POFUT3: variants seen among roughly 807,000 people sequenced by gnomAD.
POFUT3 encodes GDP-fucose protein O-fucosyltransferase 3.
At chr8:33,447,423 T>G in the POFUT3 span, among the ~76,000 whole-genome samples, 1 of 150,970 alleles carries the variant, frequency 6.6e-6, no homozygotes, top group Admixed American at 6.6e-5. Flanking sequence ...CACTCCAGCC[T>G]GGGCGACAGG....
At chr8:33,385,376 T>G in the POFUT3 span, among the ~76,000 whole-genome samples, 1 of 152,222 alleles carries the variant, frequency 6.6e-6, no homozygotes, top group African/African-American at 2.4e-5. Context: ...ATTATTGTAC[T>G]GGTCGTGGTA....
chr8:33,467,106 A>G, the POFUT3 span, among the ~76,000 whole-genome samples: 1 of 141,338 alleles, frequency 7.1e-6, no homozygotes, highest in South Asian at 2.1e-4. Context: ...ACTCTGTCTC[A>G]AAAAAAACAC....
chr8:33,376,706 G>A, the POFUT3 span, among the ~76,000 whole-genome samples: 17 of 152,318 alleles, frequency 1.1e-4, 1 homozygote, highest in East Asian at 2.3e-3. Flanking sequence ...CAAAATCTGG[G>A]AAATCTATGA....
At chr8:33,320,478 A>G in the POFUT3 span, among the ~76,000 whole-genome samples, 1 of 152,088 alleles carries the variant, frequency 6.6e-6, no homozygotes, top group African/African-American at 2.4e-5. Context: ...CACTATTTGC[A>G]ATGGTTTCTC....
At chr8:33,341,671 G>GA in the POFUT3 span, among the ~76,000 whole-genome samples, 34 of 151,626 alleles carry the variant, frequency 2.2e-4, no homozygotes, top group African/African-American at 7.5e-4. Flanking sequence ...AGAAGCTAGG[G>GA]AAAAAAAAGA....
At chr8:33,380,015 GTA>G in the POFUT3 span, among the ~76,000 whole-genome samples, 9,935 of 53,258 alleles carry the variant, frequency 0.19, 1,820 homozygotes, top group East Asian at 0.51. Flanking sequence ...TATATATATA[GTA>G]TATATATATA....
the POFUT3 span, among the ~76,000 whole-genome samples, chr8:33,400,130 T>C: frequency 7.0e-5 from 8 of 114,916 alleles, no homozygotes; most frequent in East Asian, 2.1e-3. Flanking sequence ...TTAAGTTCAT[T>C]AAAAAAAAAA....
At chr8:33,325,439 A>C in the POFUT3 span, among the ~76,000 whole-genome samples, 1 of 152,328 alleles carries the variant, frequency 6.6e-6, no homozygotes, top group East Asian at 1.9e-4. Context: ...CTGTTTGACT[A>C]TGAGTGCTTG....
At chr8:33,346,589 C>T in the POFUT3 span, among the ~76,000 whole-genome samples, 1 of 152,128 alleles carries the variant, frequency 6.6e-6, no homozygotes, top group Non-Finnish European at 1.5e-5. Flanking sequence ...TTTCTGCATA[C>T]ATTTGGATGT....
At chr8:33,401,272 C>T in the POFUT3 span, among the ~76,000 whole-genome samples, 3 of 152,124 alleles carry the variant, frequency 2.0e-5, no homozygotes, top group Non-Finnish European at 4.4e-5. Context: ...AGGCATGAGC[C>T]ACTGTGCCTG....
the POFUT3 span, among the ~76,000 whole-genome samples, chr8:33,469,440 G>A: frequency 6.6e-6 from 1 of 152,256 alleles, no homozygotes; most frequent in East Asian, 1.9e-4. Flanking sequence ...TTTCTATGTG[G>A]GAAAGTCATC....
the POFUT3 span, among the ~76,000 whole-genome samples, chr8:33,320,579 C>A: frequency 6.6e-6 from 1 of 151,998 alleles, no homozygotes; most frequent in Non-Finnish European, 1.5e-5. Context: ...TTACTTCAGC[C>A]AAGCTAGGTA....
At chr8:33,433,170 A>G in the POFUT3 span, among the ~76,000 whole-genome samples, 8 of 151,376 alleles carry the variant, frequency 5.3e-5, no homozygotes, top group African/African-American at 1.7e-4. Context: ...GGAGGCAGAG[A>G]TTGCAGTGAG....
chr8:33,466,650 A>G, the POFUT3 span, among the ~76,000 whole-genome samples: 1 of 152,158 alleles, frequency 6.6e-6, no homozygotes, highest in Non-Finnish European at 1.5e-5. Flanking sequence ...TGTATATGGT[A>G]TTAGTTACCC....
the POFUT3 span, chr8:33,453,202 A>G: frequency 6.2e-7 from 1 of 1,610,698 alleles, no homozygotes; most frequent in Non-Finnish European, 8.5e-7. Flanking sequence ...GAGAAAGGCG[A>G]AAGTCCTGCT....
the POFUT3 span, among the ~76,000 whole-genome samples, chr8:33,469,211 C>T: frequency 6.6e-6 from 1 of 152,014 alleles, no homozygotes; most frequent in African/African-American, 2.4e-5. Context: ...GAGGCTGAGG[C>T]AGGAGAATGG....
the POFUT3 span, among the ~76,000 whole-genome samples, chr8:33,308,268 C>G: frequency 6.6e-6 from 1 of 152,034 alleles, no homozygotes; most frequent in East Asian, 1.9e-4. Flanking sequence ...TTGTAGCTAC[C>G]AAGCCAACAA....
At chr8:33,458,635 G>C in the POFUT3 span, among the ~76,000 whole-genome samples, 1 of 150,692 alleles carries the variant, frequency 6.6e-6, no homozygotes, top group African/African-American at 2.5e-5. Context: ...AGAATTGCTT[G>C]AACCCAGGAG....
At chr8:33,421,473 T>C in the POFUT3 span, among the ~76,000 whole-genome samples, 1 of 152,324 alleles carries the variant, frequency 6.6e-6, no homozygotes, top group South Asian at 2.1e-4. Flanking sequence ...CTACTAGTTT[T>C]ATAGGATGGT....
Sources: gnomAD v4.1 joint callset for allele counts (sites outside exome capture counted in the v4.1 genomes callset) on GRCh38, gnomAD v4.1.1 for gene constraint, MANE v1.5 for transcripts, NCBI Gene and HGNC (gene_info 2026-07-23, HGNC 2026-07-21) for gene names.